STAG1: variants seen among roughly 807,000 people sequenced by gnomAD.
STAG1 encodes cohesin subunit SA-1.
Under a neutral mutation model 170.9 loss-of-function variants are expected in STAG1, and 26 were observed. The observed-to-expected ratio is 0.15, with a 90% confidence interval of 0.11 to 0.21. The LOEUF is 0.21. Ranked by LOEUF, STAG1 falls within the 10% of genes least tolerant of loss-of-function variation. The pLI, the probability that STAG1 is intolerant of heterozygous loss-of-function variation, is 1.00. For missense variants in STAG1, 964 were observed against 1,509.5 expected (o/e 0.64, Z 5.99); for synonymous variants, 514 against 497.7 (o/e 1.03, Z -0.44).
intron 1 of STAG1, among the ~76,000 whole-genome samples, chr3:136,683,692 C>T (rs113350497): frequency 4.6e-5 from 7 of 152,136 alleles, no homozygotes; most frequent in African/African-American, 1.4e-4. Flanking sequence ...GAAGTCTTAG[C>T]TAATGCAGTA....
At chr3:136,700,520 A>C (rs1943024250) in intron 1 of STAG1, among the ~76,000 whole-genome samples, 1 of 151,596 alleles carries the variant, frequency 6.6e-6, no homozygotes, top group Admixed American at 6.6e-5. Flanking sequence ...CCCAGATTCA[A>C]GCAATTCTCC....
intron 16 of STAG1, among the ~76,000 whole-genome samples, chr3:136,426,059 A>G (rs966140411): frequency 1.3e-5 from 2 of 151,136 alleles, no homozygotes; most frequent in African/African-American, 2.4e-5. Flanking sequence ...TTATATGCAG[A>G]TTTTTTTCAA....
chr3:136,471,399 C>G (rs1331866041), intron 12 of STAG1, among the ~76,000 whole-genome samples: 1 of 151,078 alleles, frequency 6.6e-6, no homozygotes, highest in African/African-American at 2.4e-5. Flanking sequence ...TCATATCAAA[C>G]AAAAATCAGA....
At chr3:136,573,865 G>T (rs1239658717) in intron 4 of STAG1, among the ~76,000 whole-genome samples, 1 of 152,084 alleles carries the variant, frequency 6.6e-6, no homozygotes, top group Non-Finnish European at 1.5e-5. Flanking sequence ...CAGCTAATCA[G>T]GAGGCTGAGG....
At chr3:136,443,218 C>CTA in intron 15 of STAG1, 69 bp downstream of exon 15, 1 of 1,019,362 alleles carries the variant, frequency 9.8e-7, no homozygotes, top group Non-Finnish European at 1.5e-6. Flanking sequence ...AAGAAGCGAT[C>CTA]TATATACAAC....
At chr3:136,707,680 T>C (rs554286474) in intron 1 of STAG1, among the ~76,000 whole-genome samples, 103 of 152,324 alleles carry the variant, frequency 6.8e-4, no homozygotes, top group African/African-American at 2.4e-3. Flanking sequence ...AAAAGGTCAA[T>C]GGGGAAGTGG....
chr3:136,563,137 T>C (rs1936911510), intron 5 of STAG1, among the ~76,000 whole-genome samples: 1 of 152,236 alleles, frequency 6.6e-6, no homozygotes, highest in Non-Finnish European at 1.5e-5. Context: ...ATCAAGTTTC[T>C]ACATTGCAAA....
At chr3:136,657,442 A>G (rs1382795231) in intron 1 of STAG1, among the ~76,000 whole-genome samples, 3 of 152,106 alleles carry the variant, frequency 2.0e-5, no homozygotes, top group African/African-American at 7.2e-5. Context: ...CGCCTGCCTC[A>G]GCCTCCCAAA....
chr3:136,467,047 A>T (rs921770172), intron 12 of STAG1, among the ~76,000 whole-genome samples: 3 of 152,346 alleles, frequency 2.0e-5, no homozygotes, highest in African/African-American at 4.8e-5. Flanking sequence ...CACTGCAAAA[A>T]CATGCCAAAT....
At chr3:136,612,881 A>C (rs146406257) in intron 3 of STAG1, among the ~76,000 whole-genome samples, 93 of 152,324 alleles carry the variant, frequency 6.1e-4, no homozygotes, top group African/African-American at 2.2e-3. Context: ...AATTTTTAAA[A>C]TCAGCTATGT....
intron 1 of STAG1, among the ~76,000 whole-genome samples, chr3:136,635,353 C>T (rs1940510681): frequency 6.6e-6 from 1 of 151,820 alleles, no homozygotes; most frequent in African/African-American, 2.4e-5. Context: ...ATATAAAGAG[C>T]CAAAAAAGAA....
At chr3:136,478,465 TATA>T (rs1433067046) in intron 9 of STAG1, among the ~76,000 whole-genome samples, 2 of 152,210 alleles carry the variant, frequency 1.3e-5, no homozygotes, top group African/African-American at 4.8e-5. Context: ...AAATATTAAC[TATA>T]ATATCATAAA....
intron 14 of STAG1, among the ~76,000 whole-genome samples, chr3:136,451,288 G>A (rs1159010140): frequency 1.3e-5 from 2 of 152,072 alleles, no homozygotes; most frequent in African/African-American, 4.8e-5. Context: ...TATAGCACAT[G>A]GAAATATTGC....
At chr3:136,463,876 T>C (rs1014069247) in intron 13 of STAG1, among the ~76,000 whole-genome samples, 2 of 146,568 alleles carry the variant, frequency 1.4e-5, no homozygotes, top group African/African-American at 4.9e-5. Context: ...TATACATACA[T>C]ACATATATAC....
intron 22 of STAG1, among the ~76,000 whole-genome samples, chr3:136,384,483 T>C (rs1161832926): frequency 2.0e-5 from 3 of 146,348 alleles, no homozygotes; most frequent in African/African-American, 7.6e-5. Context: ...AAAAAGAAAT[T>C]TGAGGCCAGT....
At chr3:136,454,918 C>T (rs994336138) in intron 13 of STAG1, among the ~76,000 whole-genome samples, 7 of 152,064 alleles carry the variant, frequency 4.6e-5, no homozygotes, top group African/African-American at 1.7e-4. Context: ...TCATGGAACT[C>T]CTGGGGATAC....
At chr3:136,449,597 C>T (rs1024838783) in intron 14 of STAG1, among the ~76,000 whole-genome samples, 1 of 151,202 alleles carries the variant, frequency 6.6e-6, no homozygotes, top group African/African-American at 2.4e-5. Flanking sequence ...GAATGTAATA[C>T]AGCTGGCAAA....
intron 12 of STAG1, among the ~76,000 whole-genome samples, chr3:136,467,203 C>A (rs999253932): frequency 6.6e-6 from 1 of 152,112 alleles, no homozygotes; most frequent in Non-Finnish European, 1.5e-5. Flanking sequence ...AATTAAAAGA[C>A]ACAGACTGGC....
intron 1 of STAG1, among the ~76,000 whole-genome samples, chr3:136,682,205 G>GGT (rs1234216556): frequency 2.6e-5 from 4 of 151,954 alleles, no homozygotes; most frequent in Admixed American, 2.0e-4. Flanking sequence ...GGCTGAGGTG[G>GGT]GTGGATCACC....
Sources: allele counts gnomAD v4.1 joint callset (sites outside exome capture counted in the v4.1 genomes callset), GRCh38; gene constraint gnomAD v4.1.1; transcripts MANE v1.5; gene names NCBI Gene and HGNC (gene_info 2026-07-23, HGNC 2026-07-21).